NKTR: variants seen among roughly 807,000 people sequenced by gnomAD.
NKTR encodes natural killer cell triggering receptor, also known as NK-tumor recognition protein.
A neutral mutation model predicts 156.3 loss-of-function variants in NKTR; 67 were observed. That is an observed-to-expected ratio of 0.43 (90% CI 0.35 to 0.53). NKTR has a LOEUF of 0.53. NKTR is among the 20% of genes least tolerant of loss of function. NKTR has a pLI of 0.01. For synonymous variants in NKTR, 640 were observed against 596.6 expected (o/e 1.07, Z -1.06); for missense variants, 1,604 against 1,730.9 (o/e 0.93, Z 1.30).
intron 7 of NKTR, chr3:42,630,823 C>T (rs570113796): frequency 8.2e-6 from 11 of 1,335,078 alleles, no homozygotes; most frequent in Non-Finnish European, 8.6e-6. Context: ...TTTTATTTTT[C>T]TCTTCAGTTT....
chr3:42,641,385 C>T (rs1347404018), intron 13 of NKTR, among the ~76,000 whole-genome samples: 7 of 152,124 alleles, frequency 4.6e-5, no homozygotes, highest in Non-Finnish European at 1.0e-4. Context: ...TACATAATGT[C>T]ACCTGTACAC....
intron 3 of NKTR, among the ~76,000 whole-genome samples, chr3:42,617,978 T>A (rs750717302): frequency 6.6e-6 from 1 of 152,050 alleles, no homozygotes; most frequent in African/African-American, 2.4e-5. Flanking sequence ...TTGAAAAAAT[T>A]TAGTATTCCA....
intron 2 of NKTR, chr3:42,601,968 T>C (rs553018852): frequency 1.3e-5 from 2 of 152,276 alleles, no homozygotes; most frequent in South Asian, 4.1e-4. Flanking sequence ...GACTTGTAGT[T>C]GGGATACTAT....
chr3:42,638,281 A>G lies in NKTR; in HGVS notation c.2577A>G (p.Arg859=), dbSNP rs776110755. 6.2e-7 allele frequency: 1 copy of G among 1,606,530 alleles called. No individual in the cohort carries two copies. The highest frequency in any genetic ancestry group is 2.2e-5 in the East Asian group (1 of 44,860). Residue 859 remains arginine, a synonymous_variant, in exon 13 of 17, where the codon AGA becomes AGG. Coordinates refer to ENST00000232978, the MANE Select transcript of NKTR (RefSeq NM_005385.4). ...GGGAATGCCCTCATTCAAAAAAAAG[A>G]ACTTTGAAAGAGAATCTTTCTGATC... ...SERECPHSKK[R]TLKENLSDHL...
rs148564094 is a variant in NKTR, at chr3:42,619,063, T to C, written c.177T>C (p.Tyr59=). 2 of 1,608,770 alleles carry C rather than the reference T, an allele frequency of 1.2e-6. No homozygotes were observed. The highest frequency in any genetic ancestry group is 2.2e-5 in the South Asian group (2 of 89,870). ...AAACAACTGGGAAGAAGTTATGTTA[T>C]AAAGGTTCTACGTTCCATCGTGTGG... ...LGKTTGKKLC[Y]KGSTFHRVVK... The change falls in exon 4 of 17, where the codon TAT becomes TAC. Residue 59 remains tyrosine, a synonymous_variant. Transcript: ENST00000232978.
intron 16 of NKTR, among the ~76,000 whole-genome samples, chr3:42,644,418 AATT>A (rs1710184947): frequency 6.6e-6 from 1 of 152,146 alleles, no homozygotes; most frequent in African/African-American, 2.4e-5. Flanking sequence ...ATATGTTGTC[AATT>A]ATTTAGTAAA....
chr3:42,618,196 C>CA (rs1448246282), intron 3 of NKTR, among the ~76,000 whole-genome samples: 1 of 151,398 alleles, frequency 6.6e-6, no homozygotes, highest in Non-Finnish European at 1.5e-5. Flanking sequence ...ACTAAAAATA[C>CA]AAAAATTAGC....
chr3:42,640,853 C>A (rs1024482358), intron 13 of NKTR, among the ~76,000 whole-genome samples: 1 of 152,208 alleles, frequency 6.6e-6, no homozygotes, highest in African/African-American at 2.4e-5. Flanking sequence ...TTCCTCATGG[C>A]CTTTTCTCTC....
At chr3:42,644,181 A>G (rs887483133) in intron 16 of NKTR, among the ~76,000 whole-genome samples, 178 bp downstream of exon 16, 1 of 152,138 alleles carries the variant, frequency 6.6e-6, no homozygotes, top group African/African-American at 2.4e-5. Context: ...CTTTTATATT[A>G]AGAGTTGCCA....
chr3:42,633,007 T>A, intron 9 of NKTR, 184 bp downstream of exon 9: 1 of 1,284,472 alleles, frequency 7.8e-7, no homozygotes, highest in East Asian at 3.1e-5. Context: ...TTCAAAGATT[T>A]GTGTGTTTTC....
At chr3:42,602,833 A>G (rs540781680) in intron 2 of NKTR, 13 of 151,866 alleles carry the variant, frequency 8.6e-5, no homozygotes, top group African/African-American at 3.1e-4. Flanking sequence ...CCTGGCCTAC[A>G]TGGCGAAACC....
At chr3:42,605,512 C>A (rs1266297518) in intron 2 of NKTR, among the ~76,000 whole-genome samples, 1 of 152,144 alleles carries the variant, frequency 6.6e-6, no homozygotes, top group Non-Finnish European at 1.5e-5. Flanking sequence ...TTGGTCAAGC[C>A]GTTTAACAAC....
intron 6 of NKTR, among the ~76,000 whole-genome samples, chr3:42,626,664 G>C (rs756567681): frequency 6.6e-6 from 1 of 152,030 alleles, no homozygotes; most frequent in Non-Finnish European, 1.5e-5. Context: ...GTTGTGATAC[G>C]TCACCAAACA....
chr3:42,626,670 A>C (rs1377600664), intron 6 of NKTR, among the ~76,000 whole-genome samples: 1 of 152,168 alleles, frequency 6.6e-6, no homozygotes, highest in Non-Finnish European at 1.5e-5. Context: ...ATACGTCACC[A>C]AACAAAGGTT....
In NKTR at chr3:42,626,123, T is replaced by C. The variant is rs141389254; in HGVS notation, c.375-4423T>C. ...TAAAAGCTAAAGTGGACAGAAGTTA[T>C]CTTTATTTCCCTCTTCTGTACTACT... On this transcript the variant is annotated intron_variant, in intron 6 of 16. Transcript: ENST00000232978. 4.4e-4 allele frequency among the ~76,000 whole-genome samples: 67 copies of C among 152,204 alleles called. 1 individual carries two copies. In the East Asian group the frequency reaches 0.012, roughly 27 times the overall value.
In NKTR at chr3:42,637,734, C is replaced by G. The variant is rs767444767; in HGVS notation, c.2030C>G (p.Thr677Ser). The G allele has an allele frequency of 1.2e-6, 2 of 1,614,002 alleles. No individual in the cohort carries two copies. Among genetic ancestry groups the G allele is most frequent in the East Asian group, 2.2e-5 (1 of 44,878 alleles). Residue 677 changes from threonine to serine, a missense_variant, in exon 13 of 17, where the codon ACT becomes AGT. Coordinates refer to ENST00000232978, the MANE Select transcript of NKTR (RefSeq NM_005385.4). The part of the protein sequence containing the change: ...REKNSESDQS[T>S]YSKYSDRSSE... ...AAAAATTCGGAAAGTGATCAGAGCA[C>G]TTATTCAAAATACAGTGATAGAAGT...
chr3:42,635,285 C>T lies in NKTR; in HGVS notation c.1082C>T (p.Thr361Ile). 6.2e-7 allele frequency: 1 copy of T among 1,612,872 alleles called. No individual in the cohort carries two copies. The highest frequency in any genetic ancestry group is 8.5e-7 in the Non-Finnish European group (1 of 1,178,932). ...TCAGATGATGATGACAGCAGTGAAA[C>T]TCCTCCTCACTGGAAAGAGGAAATG... ...SESDDDDSSETPPHWKEEMQR... is the reference protein window; with the variant it reads ...SESDDDDSSEIPPHWKEEMQR... The change falls in exon 12 of 17, where the codon ACT becomes ATT. Residue 361 changes from threonine (T) to isoleucine (I), a missense_variant. Coordinates refer to ENST00000232978, the MANE Select transcript of NKTR (RefSeq NM_005385.4).
intron 6 of NKTR, among the ~76,000 whole-genome samples, chr3:42,626,620 C>T (rs1413548800): frequency 2.6e-5 from 4 of 151,992 alleles, no homozygotes; most frequent in Admixed American, 1.3e-4. Context: ...AACTAGGGTC[C>T]GAACATTTGC....
intron 6 of NKTR, 103 bp from the exon 7 acceptor site, chr3:42,630,443 C>G: frequency 1.3e-6 from 2 of 1,565,282 alleles, no homozygotes; most frequent in African/African-American, 1.4e-5. Context: ...ATCTTTTTAT[C>G]TTTACTTCTT....
Sources: gnomAD v4.1 joint callset for allele counts (sites outside exome capture counted in the v4.1 genomes callset) on GRCh38, gnomAD v4.1.1 for gene constraint, MANE v1.5 for transcripts, NCBI Gene and HGNC (gene_info 2026-07-23, HGNC 2026-07-21) for gene names.